The following PMEPA1 variants were observed in gnomAD, a reference collection of about 807,000 sequenced individuals.
PMEPA1 encodes protein TMEPAI.
Under a neutral mutation model 23.0 loss-of-function variants are expected in PMEPA1, and 11 were observed. The observed-to-expected ratio is 0.48, with a 90% CI of 0.30 to 0.79. PMEPA1 has a LOEUF of 0.79. Ranked by LOEUF, PMEPA1 falls within the 30% of genes least tolerant of loss-of-function variation. The pLI is 0.06. For missense variants in PMEPA1, 377 were observed against 390.9 expected (o/e 0.96, Z 0.30); for synonymous variants, 204 against 166.4 (o/e 1.23, Z -1.74).
intron 1 of PMEPA1, among the ~76,000 whole-genome samples, chr20:57,694,402 T>C (rs1056601566): frequency 3.9e-5 from 6 of 152,244 alleles, no homozygotes; most frequent in Admixed American, 2.6e-4. Flanking sequence ...ACTCACGAAA[T>C]CGACAATGTG....
At position 57,701,616 on chromosome 20, in the gene PMEPA1, T is replaced by C. The variant is rs1250244351; in HGVS notation, c.109+7858A>G. Among the ~76,000 whole-genome samples the C allele has an allele frequency of 3.3e-5, 5 of 152,122 alleles. No individual in the cohort carries two copies. The South Asian group carries it at 1.0e-3, about 32-fold the overall frequency. ...TTTCCTGCCCCCAATAGTGGAAACT[T>C]TGGAGCATTAAAAATCACATTTTGT... On this transcript the variant is annotated intron_variant, in intron 1 of 3. Transcript: ENST00000341744.
In PMEPA1 at chr20:57,652,251, G is replaced by A; in HGVS notation, c.666C>T (p.Gly222=). 2 of 1,607,518 alleles carry A rather than the reference G, an allele frequency of 1.2e-6. No individual in the cohort carries two copies. Among genetic ancestry groups the A allele is most frequent in the Non-Finnish European group, 1.7e-6 (2 of 1,179,330 alleles). ...SGISATCYGS[G]GRMEGPPPTY... is the part of the protein sequence containing the mutation. The stretch of plus-strand genomic sequence containing the variant: ...TGGGCGGCGGCCCCTCCATGCGCCC[G>A]CCGCTGCCGTAGCACGTGGCGCTGA... Residue 222 remains glycine (G), a synonymous_variant, in exon 4 of 4, where the codon GGC becomes GGT. Transcript: ENST00000341744. The surrounding 1 kb of genome is among the most constrained non-coding windows in gnomAD (Gnocchi z 6.1).
chr20:57,700,278 T>C (rs1256124762), intron 1 of PMEPA1: 2 of 392,888 alleles, frequency 5.1e-6, no homozygotes, highest in East Asian at 1.5e-4. Context: ...ACAGGGAAAC[T>C]GAGGTACACA....
At chr20:57,692,353 C>T (rs2071893385) in intron 1 of PMEPA1, among the ~76,000 whole-genome samples, 1 of 152,258 alleles carries the variant, frequency 6.6e-6, no homozygotes, top group Non-Finnish European at 1.5e-5. Flanking sequence ...CAAGGCACAG[C>T]CCACCAGGTG....
At chr20:57,674,465 C>T (rs1029898095) in intron 1 of PMEPA1, among the ~76,000 whole-genome samples, 3 of 152,208 alleles carry the variant, frequency 2.0e-5, no homozygotes, top group African/African-American at 4.8e-5. Context: ...TTTATTACAG[C>T]GGCCTGAGCA....
At chr20:57,691,195 G>A (rs1467273033) in intron 1 of PMEPA1, among the ~76,000 whole-genome samples, 6 of 152,344 alleles carry the variant, frequency 3.9e-5, no homozygotes, top group African/African-American at 1.4e-4. Context: ...TGTGTCAGAT[G>A]AGTTCATGAA....
chr20:57,661,383 C>T (rs1031025197), intron 1 of PMEPA1, among the ~76,000 whole-genome samples: 7 of 152,188 alleles, frequency 4.6e-5, no homozygotes, highest in African/African-American at 1.2e-4. Flanking sequence ...CGGCAGCGTC[C>T]GGGGCCAAAG....
rs1409350368 is a variant in PMEPA1 at position 57,655,227 on chromosome 20, C to T, written c.265-2141G>A. The stretch of plus-strand genomic sequence containing the variant: ...GGTCTGGACCAATGGCCCCTCTTTC[C>T]TCCCTTTCCTGAAGAACTTTGACTG... On this transcript the variant is annotated intron_variant, in intron 2 of 3. Coordinates refer to ENST00000341744, the MANE Select transcript of PMEPA1 (RefSeq NM_020182.5). This position sits in a 1 kb window ranked among gnomAD's most constrained non-coding sequence, Gnocchi z 4.2. Among the ~76,000 whole-genome samples, 3 of 152,176 alleles carry T rather than the reference C, an allele frequency of 2.0e-5. No homozygotes were observed. The highest frequency in any genetic ancestry group is 4.4e-5 in the Non-Finnish European group (3 of 68,036).
intron 2 of PMEPA1, among the ~76,000 whole-genome samples, chr20:57,657,845 C>G (rs762964815): frequency 9.9e-5 from 15 of 152,212 alleles, no homozygotes; most frequent in Admixed American, 2.6e-4. Context: ...AGGCCACACT[C>G]AGTGCTGCCT....
In PMEPA1 at chr20:57,692,036, G is replaced by A. The variant is rs145275654; in HGVS notation, c.109+17438C>T. ...CCATCACCCTCTTCTCCCTTTTCAC[G>A]GGTAGGTCCCGGGGCTTACGGAGCC... is the stretch of plus-strand genomic sequence containing the variant. On this transcript the variant is annotated intron_variant, in intron 1 of 3. Coordinates refer to ENST00000341744, the MANE Select transcript of PMEPA1 (RefSeq NM_020182.5). Among the ~76,000 whole-genome samples the A allele has an allele frequency of 1.7e-3, 253 of 152,226 alleles. 1 individual carries two copies. Among genetic ancestry groups the A allele is most frequent in the African/African-American group, 5.7e-3 (237 of 41,538 alleles).
chr20:57,690,696 T>C, intron 1 of PMEPA1: 2 of 649,094 alleles, frequency 3.1e-6, no homozygotes, highest in Non-Finnish European at 2.2e-6. Flanking sequence ...CAGATGAAGA[T>C]CTGGCTTCTT....
chr20:57,695,505 A>C (rs567920172), intron 1 of PMEPA1, among the ~76,000 whole-genome samples: 1 of 152,368 alleles, frequency 6.6e-6, no homozygotes, highest in East Asian at 1.9e-4. Flanking sequence ...GCCCTGCTTA[A>C]AACTGCAGGC....
At chr20:57,672,093 C>A (rs1359643313) in intron 1 of PMEPA1, among the ~76,000 whole-genome samples, 1 of 152,258 alleles carries the variant, frequency 6.6e-6, no homozygotes, top group Non-Finnish European at 1.5e-5. Flanking sequence ...GATGAAGGGG[C>A]TATCCCTTTT....
chr20:57,681,216 C>A (rs1013157573), intron 1 of PMEPA1, among the ~76,000 whole-genome samples: 1 of 152,196 alleles, frequency 6.6e-6, no homozygotes, highest in African/African-American at 2.4e-5. Flanking sequence ...ACCTCTCCAG[C>A]ACGCTCCATC....
intron 2 of PMEPA1, among the ~76,000 whole-genome samples, chr20:57,657,023 G>A (rs1297125584): frequency 6.6e-6 from 1 of 152,184 alleles, no homozygotes; most frequent in Non-Finnish European, 1.5e-5. Flanking sequence ...GGCTGTGCAG[G>A]CGGCTGGGTA....
At chr20:57,661,695 G>C (rs2071421289) in intron 1 of PMEPA1, among the ~76,000 whole-genome samples, 1 of 152,144 alleles carries the variant, frequency 6.6e-6, no homozygotes, top group Non-Finnish European at 1.5e-5. Flanking sequence ...CCATCAGACA[G>C]CCCAGGCAAG....
chr20:57,657,062 G>A (rs986522847), intron 2 of PMEPA1, among the ~76,000 whole-genome samples: 2 of 152,184 alleles, frequency 1.3e-5, no homozygotes, highest in African/African-American at 2.4e-5. Flanking sequence ...TCTATTGGCC[G>A]AAGGTGTGAC....
Position 57,651,918 on chromosome 20 carries a change from T to C in PMEPA1, c.*135A>G. 2 of 589,406 alleles carry C rather than the reference T, an allele frequency of 3.4e-6. No individual in the cohort carries two copies. The highest frequency in any genetic ancestry group is 3.6e-5 in the Admixed American group (1 of 27,560). The allele number at this position is 589,406 out of a possible 1,614,324, so 36.5% of individuals were successfully genotyped here. On this transcript the variant is annotated 3_prime_UTR_variant, in exon 4 of 4. Transcript: ENST00000341744. ...ACCAGACATCACATGTAAATATTTA[T>C]ACACAGGGAGGTGGGAGGGGAGGGC...
rs1241617733 is a variant in PMEPA1 at position 57,709,628 on chromosome 20, G to A, written c.-46C>T. The A allele has an allele frequency of 6.9e-5, 53 of 766,512 alleles. No homozygotes were observed. The highest frequency in any genetic ancestry group is 8.1e-5 in the Non-Finnish European group (51 of 629,438). 47.5% of individuals were successfully genotyped at this position (766,512 alleles called of 1,614,324 possible). A position where few individuals can be genotyped will look rare whatever the true frequency, so the allele number is the denominator to read the frequency against. On this transcript the variant is annotated 5_prime_UTR_variant, in exon 1 of 4. Coordinates refer to ENST00000341744, the MANE Select transcript of PMEPA1 (RefSeq NM_020182.5). Reference sequence around the variant, plus strand: ...GCGGGGCGCGGGGGGCTCGGGGGCGGCCGGGGGGGGCTCCGGCCGGCGCCC... The same window carrying A: ...GCGGGGCGCGGGGGGCTCGGGGGCGACCGGGGGGGGCTCCGGCCGGCGCCC...
Sources: allele counts gnomAD v4.1 joint callset (sites outside exome capture counted in the v4.1 genomes callset), GRCh38; gene constraint gnomAD v4.1.1; non-coding constraint Gnocchi (gnomAD v3.1); transcripts MANE v1.5; gene names NCBI Gene and HGNC (gene_info 2026-07-23, HGNC 2026-07-21).